Variants in ESRRG observed in about 807,000 individuals in gnomAD.
The protein encoded by ESRRG is estrogen-related receptor gamma.
A neutral mutation model predicts 44.0 loss-of-function variants in ESRRG; 13 were observed. That is an observed-to-expected ratio of 0.30 (90% confidence interval 0.19 to 0.47). ESRRG has a LOEUF of 0.47. Among genes scored for constraint, ESRRG ranks in the 20% least tolerant of loss-of-function variants. ESRRG has a pLI of 1.00. For synonymous variants in ESRRG, 215 were observed against 214.6 expected, an observed-to-expected ratio of 1.00 and a Z score of -0.02; for missense variants, 395 against 580.6, an observed-to-expected ratio of 0.68 and a Z score of 3.29.
chr1:217,006,675 C>T (rs1394060884), intron 1 of ESRRG, among the ~76,000 whole-genome samples: 2 of 152,154 alleles, frequency 1.3e-5, no homozygotes, highest in African/African-American at 4.8e-5. Context: ...TTCTAATATA[C>T]CTTATATGCA....
At chr1:217,029,756 T>C (rs796658570) in intron 1 of ESRRG, among the ~76,000 whole-genome samples, 13 of 152,288 alleles carry the variant, frequency 8.5e-5, no homozygotes, top group African/African-American at 2.9e-4. Context: ...AGGCCTTTCC[T>C]ATTCATAACA....
intron 1 of ESRRG, among the ~76,000 whole-genome samples, chr1:216,993,698 C>T (rs954402752): frequency 6.6e-6 from 1 of 152,138 alleles, no homozygotes; most frequent in Admixed American, 6.5e-5. Context: ...CTCTGAGGTA[C>T]CCTGTTGAAT....
intron 5 of ESRRG, among the ~76,000 whole-genome samples, chr1:216,538,465 C>T (rs1414221727): frequency 6.6e-6 from 1 of 152,000 alleles, no homozygotes; most frequent in African/African-American, 2.4e-5. Context: ...TACTGTCTGT[C>T]TTTCTGCTCT....
chr1:216,588,266 A>G (rs1165751895), intron 3 of ESRRG, among the ~76,000 whole-genome samples: 1 of 152,180 alleles, frequency 6.6e-6, no homozygotes, highest in African/African-American at 2.4e-5. Flanking sequence ...CAAACTTACA[A>G]ATTATATTGC....
intron 2 of ESRRG, among the ~76,000 whole-genome samples, chr1:216,778,402 A>G (rs143557420): frequency 6.6e-6 from 1 of 151,964 alleles, no homozygotes; most frequent in East Asian, 1.9e-4. Context: ...GTGAACCATC[A>G]CTTTTGGTAG....
At chr1:216,729,694 G>GAA (rs2088317408) in intron 2 of ESRRG, among the ~76,000 whole-genome samples, 1 of 152,106 alleles carries the variant, frequency 6.6e-6, no homozygotes, top group Non-Finnish European at 1.5e-5. Flanking sequence ...ATTGTACATT[G>GAA]TTTACCAGAA....
At chr1:216,586,530 G>A (rs2063820141) in intron 3 of ESRRG, among the ~76,000 whole-genome samples, 1 of 150,710 alleles carries the variant, frequency 6.6e-6, no homozygotes, top group African/African-American at 2.4e-5. Context: ...AAAGCACTCT[G>A]TGTCAACTTC....
intron 2 of ESRRG, among the ~76,000 whole-genome samples, chr1:216,672,135 T>A (rs2075312949): frequency 6.6e-6 from 1 of 152,074 alleles, no homozygotes; most frequent in South Asian, 2.1e-4. Context: ...ATCAGAAGAA[T>A]AACAATATCA....
At chr1:216,723,454 A>G (rs2086812851), upstream of ESRRG, 1 of 672,170 alleles carries the variant, frequency 1.5e-6, no homozygotes, top group Non-Finnish European at 2.6e-6. Context: ...TCAAGGACTT[A>G]AAGCCCCGAT....
chr1:216,971,646 T>A (rs972526490), intron 1 of ESRRG, among the ~76,000 whole-genome samples: 13 of 152,170 alleles, frequency 8.5e-5, no homozygotes, highest in Admixed American at 2.6e-4. Context: ...AAAACCGAAA[T>A]TTGCAATGGT....
At chr1:216,561,629 G>A (rs980056244) in intron 5 of ESRRG, among the ~76,000 whole-genome samples, 1 of 151,938 alleles carries the variant, frequency 6.6e-6, no homozygotes, top group African/African-American at 2.4e-5. Context: ...CTGAACCCAG[G>A]GTAAGGCAGC....
chr1:217,047,564 G>C (rs1019414874), intron 1 of ESRRG, among the ~76,000 whole-genome samples: 1 of 152,108 alleles, frequency 6.6e-6, no homozygotes, highest in Non-Finnish European at 1.5e-5. Context: ...AGGAGACCTT[G>C]TTTCTATTTT....
intron 1 of ESRRG, among the ~76,000 whole-genome samples, chr1:217,109,968 G>T (rs2151583130): frequency 6.6e-6 from 1 of 152,240 alleles, no homozygotes; most frequent in Admixed American, 6.5e-5. Context: ...GCCTCCTTAA[G>T]GGGTAAATCA....
intron 3 of ESRRG, among the ~76,000 whole-genome samples, chr1:216,645,972 TC>T (rs1290956155): frequency 6.6e-6 from 1 of 151,940 alleles, no homozygotes; most frequent in African/African-American, 2.4e-5. Flanking sequence ...GTGCCACTTG[TC>T]CATTTTCTTT....
At chr1:216,779,135 T>C (rs2093728077) in intron 2 of ESRRG, among the ~76,000 whole-genome samples, 1 of 118,282 alleles carries the variant, frequency 8.5e-6, no homozygotes. Flanking sequence ...TATGTAAATA[T>C]AAATATATAT....
intron 2 of ESRRG, among the ~76,000 whole-genome samples, chr1:216,779,541 TA>T (rs2093842048): frequency 9.6e-6 from 1 of 103,664 alleles, no homozygotes; most frequent in African/African-American, 3.8e-5. Context: ...TATTTATATT[TA>T]TATATATAAT....
At chr1:216,783,887 G>A (rs558156447) in intron 2 of ESRRG, among the ~76,000 whole-genome samples, 9 of 152,062 alleles carry the variant, frequency 5.9e-5, no homozygotes, top group East Asian at 5.8e-4. Flanking sequence ...ACCCTCTCTC[G>A]AAGAATTAGA....
intron 1 of ESRRG, among the ~76,000 whole-genome samples, chr1:217,099,508 T>G (rs536585777): frequency 6.6e-6 from 1 of 152,286 alleles, no homozygotes; most frequent in African/African-American, 2.4e-5. Flanking sequence ...TCTAATATAA[T>G]GTGGATAGCC....
At chr1:216,581,841 A>G (rs930808611) in intron 3 of ESRRG, among the ~76,000 whole-genome samples, 3 of 152,212 alleles carry the variant, frequency 2.0e-5, no homozygotes, top group Non-Finnish European at 1.5e-5. Flanking sequence ...ATCTTTCTAT[A>G]AAATCATCCG....
Sources: allele counts gnomAD v4.1 joint callset (sites outside exome capture counted in the v4.1 genomes callset), GRCh38; gene constraint gnomAD v4.1.1; transcripts MANE v1.5; gene names NCBI Gene and HGNC (gene_info 2026-07-23, HGNC 2026-07-21).